Variants in VWA3B observed in about 807,000 individuals in gnomAD.
VWA3B encodes von Willebrand factor A domain containing 3B.
Under a neutral mutation model 158.3 loss-of-function variants are expected in VWA3B, and 138 were observed. That is an observed-to-expected ratio of 0.87 (90% CI 0.76 to 1.00). VWA3B has a LOEUF of 1.00. Ranked by LOEUF, VWA3B falls within the 50% of genes least tolerant of loss-of-function variation. VWA3B has a pLI of 0.00. For synonymous variants in VWA3B, 596 were observed against 587.3 expected (o/e 1.01, Z -0.21); for missense variants, 1,555 against 1,565.1 (o/e 0.99, Z 0.11).
chr2:98,193,245 G>A (rs1681748400), intron 11 of VWA3B, among the ~76,000 whole-genome samples: 1 of 152,166 alleles, frequency 6.6e-6, no homozygotes, highest in Non-Finnish European at 1.5e-5. Context: ...GTTGCTTAAG[G>A]GAGTTGCTAT....
chr2:98,296,804 G>A (rs1342504430), intron 23 of VWA3B, among the ~76,000 whole-genome samples: 6 of 151,698 alleles, frequency 4.0e-5, no homozygotes, highest in African/African-American at 7.3e-5. Context: ...ATTTCAAGTC[G>A]GATAAATTAC....
intron 12 of VWA3B, among the ~76,000 whole-genome samples, chr2:98,198,927 A>G (rs1472321223): frequency 6.6e-6 from 1 of 152,104 alleles, no homozygotes. Flanking sequence ...TCTACTAAAA[A>G]TACAAAAAAA....
intron 7 of VWA3B, among the ~76,000 whole-genome samples, chr2:98,152,442 T>C (rs1350138694): frequency 6.6e-6 from 1 of 152,138 alleles, no homozygotes; most frequent in Non-Finnish European, 1.5e-5. Context: ...ACAGTCCCAA[T>C]CTTCTGAGCA....
intron 22 of VWA3B, among the ~76,000 whole-genome samples, chr2:98,272,212 G>T (rs371538916): frequency 1.3e-5 from 2 of 152,318 alleles, no homozygotes; most frequent in South Asian, 4.1e-4. Context: ...TGACTGACCC[G>T]CTTCAAGTTG....
chr2:98,161,996 ACCGTGCCCAG>A (rs2105238136), intron 7 of VWA3B, among the ~76,000 whole-genome samples: 1 of 152,304 alleles, frequency 6.6e-6, no homozygotes, highest in South Asian at 2.1e-4. Flanking sequence ...GGCGTATGCC[ACCGTGCCCAG>A]CCTGCCCATC....
intron 26 of VWA3B, among the ~76,000 whole-genome samples, chr2:98,306,310 A>G (rs1280132945): frequency 6.6e-6 from 1 of 152,102 alleles, no homozygotes; most frequent in African/African-American, 2.4e-5. Flanking sequence ...GACAGGTTCT[A>G]TCTGCCTCTG....
At chr2:98,097,277 TTCCATTGTACC>T (rs1255351911) in intron 2 of VWA3B, among the ~76,000 whole-genome samples, 1 of 152,100 alleles carries the variant, frequency 6.6e-6, no homozygotes, top group Non-Finnish European at 1.5e-5. Context: ...AGTCTCCAAA[TTCCATTGTACC>T]ACCCTCTTTG....
rs999886775 is a variant in VWA3B, at chr2:98,154,964, G to A, written c.989-7887G>A. 2.6e-5 allele frequency among the ~76,000 whole-genome samples: 4 copies of A among 152,140 alleles called. No individual in the cohort carries two copies. In the South Asian group the frequency reaches 8.3e-4, roughly 32 times the overall value. ...ACCTGTGTTCTGGAATAGCCTATTT[G>A]GAAGTCTCGACCAGGTGTCAGGAAG... On this transcript the variant is annotated intron_variant, in intron 7 of 27. Coordinates refer to ENST00000477737, the MANE Select transcript of VWA3B (RefSeq NM_144992.5).
At chr2:98,267,220 C>T (rs1192658613) in intron 21 of VWA3B, among the ~76,000 whole-genome samples, 66 of 151,646 alleles carry the variant, frequency 4.4e-4, no homozygotes, top group African/African-American at 1.2e-3. Context: ...AGATACGTCC[C>T]ATCAATACCT....
At position 98,168,978 on chromosome 2, in the gene VWA3B, G is replaced by A. The variant is rs560256179; in HGVS notation, c.1114+6002G>A. ...ATTTGATGAAAACTATAGACCCAGAGATCCAAGAAGTTCAGTGAATGCTAA... is the reference window on the plus strand; with the variant it reads ...ATTTGATGAAAACTATAGACCCAGAAATCCAAGAAGTTCAGTGAATGCTAA... On this transcript the variant is annotated intron_variant, in intron 8 of 27. Transcript: ENST00000477737. Among the ~76,000 whole-genome samples, 4 of 152,232 alleles carry A rather than the reference G, an allele frequency of 2.6e-5. No individual in the cohort carries two copies. The South Asian group carries it at 8.3e-4, about 32-fold the overall frequency.
intron 16 of VWA3B, among the ~76,000 whole-genome samples, chr2:98,232,113 C>T (rs7563059): frequency 3.3e-5 from 5 of 152,082 alleles, no homozygotes; most frequent in African/African-American, 9.7e-5. Context: ...GGAGCCATTT[C>T]GGCCTAGGGA....
At chr2:98,230,629 G>A (rs1685275211) in intron 16 of VWA3B, among the ~76,000 whole-genome samples, 1 of 151,916 alleles carries the variant, frequency 6.6e-6, no homozygotes, top group Non-Finnish European at 1.5e-5. Flanking sequence ...CATCACCTAG[G>A]GAATCCTTCA....
At chr2:98,312,123 A>G in intron 27 of VWA3B, 77 bp from the exon 28 acceptor site, 1 of 1,613,728 alleles carries the variant, frequency 6.2e-7, no homozygotes. Context: ...ATCGTCCTTC[A>G]GATTCTGGGC....
the VWA3B span, among the ~76,000 whole-genome samples, chr2:98,330,116 G>A: frequency 3.9e-5 from 6 of 152,310 alleles, no homozygotes; most frequent in East Asian, 1.2e-3. Flanking sequence ...GCACATTAGA[G>A]TCACCATCTT....
intron 2 of VWA3B, among the ~76,000 whole-genome samples, chr2:98,115,292 C>T (rs928937878): frequency 1.8e-4 from 28 of 151,860 alleles, no homozygotes; most frequent in African/African-American, 5.8e-4. Context: ...CAGGGCCTGT[C>T]GTGGGGTGGG....
chr2:98,168,376 TACACACACAC>T (rs148619678), intron 8 of VWA3B, among the ~76,000 whole-genome samples: 11 of 145,522 alleles, frequency 7.6e-5, no homozygotes, highest in African/African-American at 2.3e-4. Context: ...TACACACACA[TACACACACAC>T]ACACACACAC....
At chr2:98,220,193 G>A (rs1053333865) in intron 14 of VWA3B, among the ~76,000 whole-genome samples, 30 of 136,466 alleles carry the variant, frequency 2.2e-4, no homozygotes, top group East Asian at 4.5e-4. Flanking sequence ...AAAAAGATAC[G>A]AAAAAACTAA....
chr2:98,146,597 AC>A (rs1040180243), intron 7 of VWA3B, among the ~76,000 whole-genome samples: 3 of 151,990 alleles, frequency 2.0e-5, no homozygotes, highest in Non-Finnish European at 4.4e-5. Context: ...TGGGTGAGGC[AC>A]CCCCCACTTC....
chr2:98,115,798 C>T, intron 3 of VWA3B, 52 bp downstream of exon 3: 1 of 1,443,924 alleles, frequency 6.9e-7, no homozygotes, highest in Non-Finnish European at 9.7e-7. Flanking sequence ...GCTGACATCA[C>T]ATCGGAGAGT....
Sources: gnomAD v4.1 joint callset for allele counts (sites outside exome capture counted in the v4.1 genomes callset) on GRCh38, gnomAD v4.1.1 for gene constraint, MANE v1.5 for transcripts, NCBI Gene and HGNC (gene_info 2026-07-23, HGNC 2026-07-21) for gene names.